Variants in MYH6 observed in about 807,000 individuals in gnomAD.
The protein encoded by MYH6 is myosin heavy chain 6, also known as myosin-6.
A neutral mutation model predicts 223.2 loss-of-function variants in MYH6; 126 were observed. The ratio of observed to expected loss-of-function variants is 0.56; its 90% CI spans 0.49 to 0.65. The LOEUF (loss-of-function observed/expected upper bound fraction) is 0.65. Among genes scored for constraint, MYH6 ranks in the 30% least tolerant of loss-of-function variants. The pLI is 0.00. For missense variants in MYH6, 2,040 were observed against 2,536.4 expected, an observed-to-expected ratio of 0.80 and a Z score of 4.20; for synonymous variants, 978 against 1,010.2, an observed-to-expected ratio of 0.97 and a Z score of 0.61.
chr14:23,383,430 C>T (rs1890922171), intron 36 of MYH6, 110 bp from the exon 37 acceptor site: 1 of 858,908 alleles, frequency 1.2e-6, no homozygotes, highest in African/African-American at 1.7e-5. Context: ...CCCCTCCCTG[C>T]AATGATCCAG....
chr14:23,402,381 T>A, intron 12 of MYH6, 83 bp downstream of exon 12: 1 of 1,594,658 alleles, frequency 6.3e-7, no homozygotes, highest in Non-Finnish European at 8.5e-7. Flanking sequence ...CCCACAAGCC[T>A]CAGAGTCTCT....
At chr14:23,406,493 G>C (rs146292764) in intron 3 of MYH6, among the ~76,000 whole-genome samples, 46 of 152,318 alleles carry the variant, frequency 3.0e-4, no homozygotes, top group African/African-American at 1.1e-3. Flanking sequence ...ACACAGCCCT[G>C]AGCCGCAGCT....
Position 23,385,010 on chromosome 14 carries a change from ATCT to A in MYH6, c.5192_5194del (p.Lys1731del), listed in dbSNP as rs886039114. Reference sequence around the variant, plus strand: ...CTGGAGCTGGGTCAGATCCGACTCCATCTTCTTCTTCTGGTTGATGAGGCTGGT... The same window carrying A: ...CTGGAGCTGGGTCAGATCCGACTCCATCTTCTTCTGGTTGATGAGGCTGGT... On this transcript the variant is annotated inframe_deletion, in exon 35 of 39. Coordinates refer to ENST00000405093, the MANE Select transcript of MYH6 (RefSeq NM_002471.4). The A allele has an allele frequency of 8.1e-6, 13 of 1,614,058 alleles. No individual in the cohort carries two copies. The highest frequency in any genetic ancestry group is 3.3e-5 in the Admixed American group (2 of 60,006).
intron 9 of MYH6, 74 bp downstream of exon 9, chr14:23,403,641 T>A: frequency 4.2e-6 from 6 of 1,420,510 alleles, no homozygotes; most frequent in Non-Finnish European, 4.9e-6. Flanking sequence ...GCAGGAATGA[T>A]GAGACTGGCC....
chr14:23,402,310 CTCTG>C (rs1891625925), intron 12 of MYH6, among the ~76,000 whole-genome samples, 150 bp downstream of exon 12: 1 of 152,032 alleles, frequency 6.6e-6, no homozygotes, highest in Admixed American at 6.5e-5. Flanking sequence ...GTGGTGGACT[CTCTG>C]TCTGCCCACG....
At chr14:23,382,616 C>T in intron 37 of MYH6, 54 bp from the exon 38 acceptor site, 2 of 1,613,924 alleles carry the variant, frequency 1.2e-6, no homozygotes, top group Non-Finnish European at 1.7e-6. Context: ...CTATGGGATT[C>T]TCAGCCTCTC....
At chr14:23,383,341 G>GGGGGGGGCCCCCCCCCCCC in intron 36 of MYH6, 21 bp from the exon 37 acceptor site, 1 of 556,570 alleles carries the variant, frequency 1.8e-6, no homozygotes, top group Non-Finnish European at 3.3e-6. Context: ...GAGGGTGGGA[G>GGGGGGGGCCCCCCCCCCCC]AAGCTGGTTT....
Position 23,389,072 on chromosome 14 carries a change from GC to G in MYH6, c.3979-18del. ...GTTCTTCGCCTGGGGAGGGGGGGGG[GC>G]ACCAGGAGGTGGGAGGGACTCCCTG... On this transcript the variant is annotated intron_variant, in intron 28 of 38. Transcript: ENST00000405093. 8.8e-7 allele frequency: 1 copy of G among 1,135,198 alleles called. No homozygotes were observed. Among genetic ancestry groups the G allele is most frequent in the Non-Finnish European group, 1.3e-6 (1 of 774,176 alleles). 70.3% of individuals were successfully genotyped at this position (1,135,198 alleles called of 1,614,324 possible). A position where few individuals can be genotyped will look rare whatever the true frequency, so the allele number is the denominator to read the frequency against.
chr14:23,394,555 T>C (rs1286385190), intron 20 of MYH6, among the ~76,000 whole-genome samples: 2 of 152,260 alleles, frequency 1.3e-5, no homozygotes, highest in Non-Finnish European at 2.9e-5. Context: ...CTACCACTTA[T>C]AGAATGTCTA....
At chr14:23,402,640 G>T (rs202144424) in intron 11 of MYH6, 38 bp from the exon 12 acceptor site, 2 of 1,613,650 alleles carry the variant, frequency 1.2e-6, no homozygotes, top group South Asian at 1.1e-5. Context: ...GGGTTGGAGC[G>T]GTGGCCCCAG....
Position 23,407,354 on chromosome 14 carries a change from C to T in MYH6, c.-13-118G>A. 7.9e-7 allele frequency: 1 copy of T among 1,261,436 alleles called. No individual in the cohort carries two copies. Among genetic ancestry groups the T allele is most frequent in the Non-Finnish European group, 1.1e-6 (1 of 890,990 alleles). 78.1% of individuals were successfully genotyped at this position (1,261,436 alleles called of 1,614,324 possible). On this transcript the variant is annotated intron_variant, in intron 2 of 38. Transcript: ENST00000405093. This position sits in a 1 kb window ranked among gnomAD's most constrained non-coding sequence, Gnocchi z 5.6. ...CTCCTCTCCTCCACCCTGGGAGAGG[C>T]ACCTGCTGTTGCACCCTCCCCTACT...
In MYH6 at chr14:23,387,748, C is replaced by T; in HGVS notation, c.4525+10G>A. 6.2e-7 allele frequency: 1 copy of T among 1,614,048 alleles called. No individual in the cohort carries two copies. Among genetic ancestry groups the T allele is most frequent in the South Asian group, 1.1e-5 (1 of 91,082 alleles). On this transcript the variant is annotated intron_variant, in intron 31 of 38. Transcript: ENST00000405093. ...CAACTCATCTCTGGCCTCTTGGACC[C>T]CCAGCACACCCTGAAGGTTCTTGTT...
intron 32 of MYH6, 47 bp downstream of exon 32, chr14:23,387,482 G>C (rs1854245680): frequency 1.2e-6 from 2 of 1,609,086 alleles, no homozygotes; most frequent in East Asian, 2.2e-5. Flanking sequence ...AGAAGTGGGA[G>C]ACAGCGGCAG....
intron 32 of MYH6, among the ~76,000 whole-genome samples, chr14:23,387,016 G>C (rs1368583884): frequency 6.6e-6 from 1 of 152,138 alleles, no homozygotes; most frequent in East Asian, 1.9e-4. Context: ...GCTATTCCCA[G>C]GTGCTTAGAA....
intron 10 of MYH6, among the ~76,000 whole-genome samples, 184 bp downstream of exon 10, chr14:23,403,164 G>T (rs185203310): frequency 6.6e-6 from 1 of 152,032 alleles, no homozygotes; most frequent in African/African-American, 2.4e-5. Flanking sequence ...ACAGGGAGGC[G>T]AGAGGAGACG....
At chr14:23,387,984 TC>T in intron 30 of MYH6, 61 bp from the exon 31 acceptor site, 1 of 1,608,406 alleles carries the variant, frequency 6.2e-7, no homozygotes. Flanking sequence ...CCCTCCTGCT[TC>T]CCAGTGCCCC....
chr14:23,387,666 G>T lies in MYH6; in HGVS notation c.4526-13C>A, dbSNP rs967021224. On this transcript the variant is annotated splice_polypyrimidine_tract_variant and intron_variant, in intron 31 of 38. Transcript: ENST00000405093. The stretch of plus-strand genomic sequence containing the variant: ...TCCGAGATTTCCTCTGGGGACCAGA[G>T]GGCCAGAAAGCTCAAAGCCTATGTT... The T allele has an allele frequency of 6.2e-7, 1 of 1,614,100 alleles. No individual in the cohort carries two copies. Among genetic ancestry groups the T allele is most frequent in the African/African-American group, 1.3e-5 (1 of 75,018 alleles).
At chr14:23,384,341 A>G in intron 36 of MYH6, 101 bp downstream of exon 36, 3 of 1,554,442 alleles carry the variant, frequency 1.9e-6, no homozygotes, top group Non-Finnish European at 2.6e-6. Context: ...ATCTACCAAC[A>G]GCATCTCAAG....
chr14:23,390,002 G>A, intron 26 of MYH6, 55 bp downstream of exon 26: 2 of 1,613,230 alleles, frequency 1.2e-6, no homozygotes, highest in Non-Finnish European at 1.7e-6. Flanking sequence ...GAGAAGGCAT[G>A]GGGGAGGCTC....
Sources: gnomAD v4.1 joint callset for allele counts (sites outside exome capture counted in the v4.1 genomes callset) on GRCh38, gnomAD v4.1.1 for gene constraint, Gnocchi (gnomAD v3.1) non-coding constraint, MANE v1.5 for transcripts, NCBI Gene and HGNC (gene_info 2026-07-23, HGNC 2026-07-21) for gene names.